Variants in LMNTD1 observed in about 807,000 individuals in gnomAD.
LMNTD1 encodes the protein lamin tail domain containing 1.
LMNTD1 carries 35 observed loss-of-function variants against 50.9 expected under a neutral mutation model. That is an observed-to-expected ratio of 0.69 (90% CI 0.53 to 0.91). The LOEUF (loss-of-function observed/expected upper bound fraction) is 0.91, where lower values mean the gene tolerates loss of function less well. Ranked by LOEUF, LMNTD1 falls within the 40% of genes least tolerant of loss-of-function variation. LMNTD1 has a pLI of 0.00. For synonymous variants in LMNTD1, 153 were observed against 161.9 expected (o/e 0.94, Z 0.42); for missense variants, 470 against 475.5 (o/e 0.99, Z 0.11).
In LMNTD1 at chr12:25,492,895, A is replaced by ATCTCCTTG. The variant is rs562725132; in HGVS notation, c.*22+10835_*22+10842dup. Among the ~76,000 whole-genome samples, 483 of 152,310 alleles carry ATCTCCTTG rather than the reference A, an allele frequency of 3.2e-3. 1 individual carries two copies. Among genetic ancestry groups the ATCTCCTTG allele is most frequent in the Non-Finnish European group, 5.7e-3 (387 of 68,026 alleles). On this transcript the variant is annotated intron_variant, in intron 9 of 9. Coordinates refer to ENST00000458174, the MANE Select transcript of LMNTD1 (RefSeq NM_001145728.2). ...GCTCACAATCTACTTTTCTGGACTC[A>ATCTCCTTG]TCTCCTTGTTCCTTCTTTTATTCCA...
At position 25,643,854 on chromosome 12, in the gene LMNTD1, G is replaced by A. The variant is rs75116859; in HGVS notation, c.58+4640C>T. Among the ~76,000 whole-genome samples the A allele has an allele frequency of 5.6e-3, 858 of 152,214 alleles. 7 individuals carry two copies. Among genetic ancestry groups the A allele is most frequent in the African/African-American group, 0.019 (790 of 41,516 alleles). ...TTATGAGTCCAAAATTCAGGGTGTC[G>A]GATGAATGGCAAATGGCACATAGCT... On this transcript the variant is annotated intron_variant, in intron 1 of 7. Transcript: ENST00000445693.
intron 1 of LMNTD1, among the ~76,000 whole-genome samples, chr12:25,603,944 A>AT (rs1946037741): frequency 7.4e-6 from 1 of 134,984 alleles, no homozygotes; most frequent in East Asian, 5.5e-4. Context: ...ACATACGAAT[A>AT]TTGGGGGGGA....
intron 4 of LMNTD1, among the ~76,000 whole-genome samples, chr12:25,529,669 CCTAA>C (rs1942086977): frequency 6.6e-6 from 1 of 152,136 alleles, no homozygotes; most frequent in South Asian, 2.1e-4. Flanking sequence ...GAATCAACAT[CCTAA>C]CTATTATCCT....
chr12:25,555,152 G>C (rs1943987757), upstream of LMNTD1, among the ~76,000 whole-genome samples: 1 of 151,238 alleles, frequency 6.6e-6, no homozygotes, highest in South Asian at 2.1e-4. Context: ...TGCAGTTTTA[G>C]TATATACCAA....
intron 4 of LMNTD1, 65 bp from the exon 5 acceptor site, chr12:25,527,020 G>T: frequency 8.8e-7 from 1 of 1,138,196 alleles, no homozygotes; most frequent in Non-Finnish European, 1.2e-6. Flanking sequence ...CTCACTTTAA[G>T]AAGTGATTAA....
At chr12:25,648,454 T>G in intron 1 of LMNTD1, 2 of 1,515,588 alleles carry the variant, frequency 1.3e-6, no homozygotes, top group Non-Finnish European at 1.8e-6. Context: ...AGCCAGCGAA[T>G]TGCCTGATGG....
At chr12:25,637,838 C>T (rs1321507163) in intron 1 of LMNTD1, among the ~76,000 whole-genome samples, 2 of 151,594 alleles carry the variant, frequency 1.3e-5, no homozygotes, top group Admixed American at 6.6e-5. Context: ...TATCATTAAT[C>T]ATTAGGAGAA....
chr12:25,569,918 A>G (rs1944716817), intron 1 of LMNTD1, among the ~76,000 whole-genome samples: 2 of 152,178 alleles, frequency 1.3e-5, no homozygotes, highest in African/African-American at 2.4e-5. Flanking sequence ...AGTCTCTGAT[A>G]TTTATTTATA....
At chr12:25,512,866 G>GC (rs1940409850) in intron 8 of LMNTD1, among the ~76,000 whole-genome samples, 1 of 143,606 alleles carries the variant, frequency 7.0e-6, no homozygotes, top group African/African-American at 2.7e-5. Flanking sequence ...TTTTTTTATG[G>GC]GGGGGGGCTT....
chr12:25,520,724 G>A (rs1941257346), intron 6 of LMNTD1, among the ~76,000 whole-genome samples: 2 of 152,170 alleles, frequency 1.3e-5, no homozygotes, highest in Admixed American at 1.3e-4. Flanking sequence ...ACCCAGAAGA[G>A]GGATTGCTGG....
rs1011561894 is a variant in LMNTD1, at chr12:25,552,422, C to T, written c.89+449G>A. ...TCACGAGGTCAGGAGATCAAGACCA[C>T]GGTGAAACCTCGTCTCTACTAAAAA... On this transcript the variant is annotated intron_variant, in intron 2 of 9. Coordinates refer to ENST00000458174, the MANE Select transcript of LMNTD1 (RefSeq NM_001145728.2). Among the ~76,000 whole-genome samples, 7 of 151,582 alleles carry T rather than the reference C, an allele frequency of 4.6e-5. No homozygotes were observed. In the South Asian group the frequency reaches 8.4e-4, roughly 18 times the overall value.
chr12:25,486,174 T>G (rs1938630391), intron 9 of LMNTD1, among the ~76,000 whole-genome samples: 1 of 134,494 alleles, frequency 7.4e-6, no homozygotes, highest in Non-Finnish European at 1.6e-5. Context: ...TATCCTCTTT[T>G]ATTTCATTGA....
At chr12:25,537,051 A>C (rs1471543425) in intron 4 of LMNTD1, among the ~76,000 whole-genome samples, 16 of 152,038 alleles carry the variant, frequency 1.1e-4, no homozygotes, top group African/African-American at 3.9e-4. Flanking sequence ...ACGAGATTAT[A>C]TCCCACACCT....
chr12:25,584,391 A>G (rs1945437081), intron 1 of LMNTD1, among the ~76,000 whole-genome samples: 1 of 152,198 alleles, frequency 6.6e-6, no homozygotes, highest in Non-Finnish European at 1.5e-5. Context: ...TGTACTCTTT[A>G]AGCTATGGCA....
chr12:25,533,168 A>C (rs1942339950), intron 4 of LMNTD1, among the ~76,000 whole-genome samples: 1 of 152,184 alleles, frequency 6.6e-6, no homozygotes, highest in East Asian at 1.9e-4. Flanking sequence ...TTTTGATATA[A>C]GATCAATGCA....
At chr12:25,594,148 TA>T (rs1945782418) in intron 1 of LMNTD1, among the ~76,000 whole-genome samples, 2 of 152,268 alleles carry the variant, frequency 1.3e-5, no homozygotes, top group East Asian at 3.9e-4. Context: ...ACTTGGGGAA[TA>T]ATCAAGGAAA....
chr12:25,525,610 C>A (rs1941648420), intron 6 of LMNTD1, among the ~76,000 whole-genome samples: 1 of 152,014 alleles, frequency 6.6e-6, no homozygotes, highest in African/African-American at 2.4e-5. Context: ...AACTCTTGGG[C>A]CCTTTGACAT....
intron 3 of LMNTD1, among the ~76,000 whole-genome samples, chr12:25,547,591 T>C (rs1286478900): frequency 6.6e-6 from 1 of 151,474 alleles, no homozygotes; most frequent in Admixed American, 6.6e-5. Flanking sequence ...TATAAAGAAA[T>C]AAAATCATCG....
At chr12:25,569,252 A>C (rs527389359) in intron 1 of LMNTD1, among the ~76,000 whole-genome samples, 1 of 152,246 alleles carries the variant, frequency 6.6e-6, no homozygotes, top group Admixed American at 6.5e-5. Flanking sequence ...TGGAGCTTTA[A>C]AATTTAATGA....
Sources: allele counts gnomAD v4.1 joint callset (sites outside exome capture counted in the v4.1 genomes callset), GRCh38; gene constraint gnomAD v4.1.1; transcripts MANE v1.5; gene names NCBI Gene and HGNC (gene_info 2026-07-23, HGNC 2026-07-21).